The following HUWE1 variants were observed in gnomAD, a reference collection of about 807,000 sequenced individuals.
HUWE1 encodes HECT, UBA and WWE domain containing E3 ubiquitin protein ligase 1.
Under a neutral mutation model 299.4 loss-of-function variants are expected in HUWE1, and 18 were observed. The ratio of observed to expected loss-of-function variants is 0.06; its 90% CI spans 0.04 to 0.09. HUWE1 has a LOEUF of 0.09. Ranked by LOEUF, HUWE1 falls within the 10% of genes least tolerant of loss-of-function variation. The probability of loss-of-function intolerance (pLI) is 1.00; values close to 1 mark genes in which losing one functional copy is unlikely to be tolerated. For missense variants in HUWE1, 1,832 were observed against 3,462.3 expected (o/e 0.53, Z 11.82); for synonymous variants, 1,317 against 1,286.1 (o/e 1.02, Z -0.51).
intron 76 of HUWE1, 80 bp downstream of exon 76, chrX:53,538,755 T>G: frequency 1.6e-6 from 1 of 622,910 alleles, no homozygotes; most frequent in Non-Finnish European, 2.4e-6. Context: ...CTCTCTCTCA[T>G]CAACTAAGGA....
At chrX:53,586,948 C>G in intron 37 of HUWE1, 39 bp from the exon 38 acceptor site, 1 of 1,191,030 alleles carries the variant, frequency 8.4e-7, no homozygotes, top group Non-Finnish European at 1.1e-6. Context: ...CAACCAGATA[C>G]CAATTTCTAC....
chrX:53,666,831 T>G (rs1377994043), intron 3 of HUWE1, among the ~76,000 whole-genome samples: 2 of 111,950 alleles, frequency 1.8e-5, no homozygotes, highest in African/African-American at 6.5e-5. Context: ...TTTGCATTCC[T>G]GTACCAGCAT....
intron 49 of HUWE1, among the ~76,000 whole-genome samples, chrX:53,567,738 G>A (rs72620328): frequency 3.8e-3 from 428 of 111,770 alleles, no homozygotes; most frequent in East Asian, 0.02. Flanking sequence ...TTAGGTATAT[G>A]ATTGATAGTG....
chrX:53,578,681 G>A, intron 43 of HUWE1, among the ~76,000 whole-genome samples: 1 of 86,486 alleles, frequency 1.2e-5, no homozygotes, highest in Non-Finnish European at 2.3e-5. Context: ...GGGAGGTGGG[G>A]GGATCAGCCC....
At chrX:53,587,215 A>G (rs782091734) in intron 37 of HUWE1, among the ~76,000 whole-genome samples, 9 of 112,428 alleles carry the variant, frequency 8.0e-5, no homozygotes, top group Non-Finnish European at 1.7e-4. Context: ...TTAATATGGA[A>G]ATGGTTTATC....
Position 53,583,903 on chromosome X carries a change from G to A in HUWE1, c.5175C>T (p.Ala1725=). The A allele has an allele frequency of 8.4e-7, 1 of 1,189,537 alleles. No homozygotes were observed. Among genetic ancestry groups the A allele is most frequent in the Non-Finnish European group, 1.1e-6 (1 of 875,956 alleles). The stretch of plus-strand genomic sequence containing the variant: ...CCTTTTCAGTGTTTGTACTCTCTAG[G>A]GCCAAAGGGGTATCTATAAAATGGG... The part of the protein sequence containing the change: ...KENKGNDTPL[A]LESTNTEKET... Residue 1725 remains alanine (A), a synonymous_variant, in exon 42 of 84, where the codon GCC becomes GCT. Transcript: ENST00000262854.
chrX:53,600,189 T>A lies in HUWE1; in HGVS notation c.3092A>T (p.Asp1031Val). The A allele has an allele frequency of 8.3e-7, 1 of 1,210,496 alleles. No homozygotes were observed. Among genetic ancestry groups the A allele is most frequent in the Non-Finnish European group, 1.1e-6 (1 of 894,439 alleles). ...PMETDEPTAS[D>V]SKGKSKITPA... ...TGTGATTTTAGATTTGCCCTTAGAG[T>A]CTGAAGCAGTAGGTTCATCTGTCTC... The change falls in exon 29 of 84, where the codon GAC becomes GTC. Residue 1031 changes from aspartate to valine, a missense_variant. Asp to Val is a radical substitution (Grantham distance 152, BLOSUM62 -3). Around this residue, in one of 15 missense-constraint regions of HUWE1, gnomAD observed 658 missense variants for 1,282.6 expected, o/e 0.51. Transcript: ENST00000262854.
rs1603181449 is a variant in HUWE1, at chrX:53,625,652, A to G, written c.1490-394T>C. The G allele has an allele frequency of 1.7e-5, 3 of 177,154 alleles. No homozygotes were observed. In the East Asian group the frequency reaches 5.2e-4, roughly 31 times the overall value. The allele number at this position is 177,154 out of a possible 1,213,427, so 14.6% of individuals were successfully genotyped here. A position where few individuals can be genotyped will look rare whatever the true frequency, so the allele number is the denominator to read the frequency against. ...TAATATAAGAAAATGGAACACCAGA[A>G]TGGTGAAGGAGCATGAATAGTCATG... On this transcript the variant is annotated intron_variant, in intron 17 of 83. Coordinates refer to ENST00000262854, the MANE Select transcript of HUWE1 (RefSeq NM_031407.7).
Position 53,648,248 on chromosome X carries a change from C to T in HUWE1, c.108G>A (p.Leu36=), listed in dbSNP as rs782535615. 1 of 1,205,221 alleles carries T rather than the reference C, an allele frequency of 8.3e-7. No individual in the cohort carries two copies. The highest frequency in any genetic ancestry group is 1.1e-6 in the Non-Finnish European group (1 of 889,872). Residue 36 remains leucine (L), a synonymous_variant, in exon 5 of 84, where the codon TTG becomes TTA. Transcript: ENST00000262854. ...TCCATGTTTTGATCTGCTGCAGTTC[C>T]AAGAGAAGTTGCTCATCATTACAAA... ...LKVCNDEQLL[L]ELQQIKTWNI...
At position 53,593,570 on chromosome X, in the gene HUWE1, T is replaced by C; in HGVS notation, c.3535A>G (p.Lys1179Glu). The change falls in exon 32 of 84, where the codon AAA becomes GAA. Residue 1179 changes from lysine (K) to glutamate (E), a missense_variant. Physicochemically the swap from Lys to Glu is moderately conservative, Grantham distance 56. Around this residue, in one of 15 missense-constraint regions of HUWE1, gnomAD observed 658 missense variants for 1,282.6 expected, o/e 0.51. Transcript: ENST00000262854. ...TCCAATCCCTCAGAAACAGGAACTT[T>C]ACCTCCCATGGACAGAGCCCAGTTG... ...TFNWALSMGG[K>E]VPVSEGLEHS... The C allele has an allele frequency of 8.3e-7, 1 of 1,209,304 alleles. No individual in the cohort carries two copies. The highest frequency in any genetic ancestry group is 1.1e-6 in the Non-Finnish European group (1 of 893,121).
At chrX:53,655,019 C>G (rs2068678928) in intron 3 of HUWE1, among the ~76,000 whole-genome samples, 1 of 111,375 alleles carries the variant, frequency 9.0e-6, no homozygotes, top group Non-Finnish European at 1.9e-5. Flanking sequence ...ATTTGGAAGG[C>G]TCAAAAGCAG....
At chrX:53,648,819 G>C (rs1327831138) in intron 4 of HUWE1, among the ~76,000 whole-genome samples, 1 of 111,881 alleles carries the variant, frequency 8.9e-6, no homozygotes, top group African/African-American at 3.3e-5. Flanking sequence ...TCCTTCACTT[G>C]TAAGATGGTA....
At chrX:53,564,799 A>G (rs1556944115) in intron 50 of HUWE1, 77 bp from the exon 51 acceptor site, 7 of 1,147,754 alleles carry the variant, frequency 6.1e-6, no homozygotes, top group East Asian at 3.0e-5. Context: ...CGCAAAGACA[A>G]TAAGGTCCCT....
intron 2 of HUWE1, among the ~76,000 whole-genome samples, chrX:53,682,016 G>A (rs1169028896): frequency 9.0e-6 from 1 of 110,520 alleles, no homozygotes; most frequent in Non-Finnish European, 1.9e-5. Context: ...TGGCCTATGA[G>A]GAAAAAAAAT....
chrX:53,566,117 A>G (rs5978172), intron 49 of HUWE1, among the ~76,000 whole-genome samples: 25,374 of 54,386 alleles, frequency 0.47, 5,736 homozygotes, highest in South Asian at 0.67. Context: ...GTATGTATGT[A>G]TGTGTGTGTG....
intron 19 of HUWE1, among the ~76,000 whole-genome samples, chrX:53,620,420 T>C (rs2066072211): frequency 1.8e-5 from 2 of 110,814 alleles, no homozygotes; most frequent in South Asian, 7.8e-4. Context: ...TTTTTATTTG[T>C]TGTAGAGACA....
intron 63 of HUWE1, 39 bp downstream of exon 63, chrX:53,552,272 A>G: frequency 8.3e-7 from 1 of 1,209,260 alleles, no homozygotes; most frequent in Non-Finnish European, 1.1e-6. Flanking sequence ...CTAGAAGCCA[A>G]AACAATCCCA....
intron 3 of HUWE1, among the ~76,000 whole-genome samples, chrX:53,655,372 T>G (rs1362658779): frequency 8.9e-6 from 1 of 112,014 alleles, no homozygotes; most frequent in African/African-American, 3.2e-5. Context: ...CTGTATCCAT[T>G]CAATCAGCAG....
chrX:53,603,719 A>G (rs1275258375), intron 26 of HUWE1, among the ~76,000 whole-genome samples: 21 of 112,113 alleles, frequency 1.9e-4, no homozygotes, highest in African/African-American at 6.8e-4. Context: ...ATCCGTTCTC[A>G]TTGTTTTTTA....
Sources: allele counts gnomAD v4.1 joint callset (sites outside exome capture counted in the v4.1 genomes callset), GRCh38; gene constraint gnomAD v4.1.1; regional missense constraint gnomAD v4.1.1; transcripts MANE v1.5; gene names NCBI Gene and HGNC (gene_info 2026-07-23, HGNC 2026-07-21).